RAB3IP: variants seen among roughly 807,000 people sequenced by gnomAD.
The protein encoded by RAB3IP is RAB3A interacting protein.
In RAB3IP, 36 loss-of-function variants were observed where a neutral mutation model predicts 59.1. The observed-to-expected ratio is 0.61, with a 90% CI of 0.47 to 0.80. The LOEUF is 0.80. Ranked by LOEUF, RAB3IP falls within the 30% of genes least tolerant of loss-of-function variation. The probability of loss-of-function intolerance (pLI) is 0.00; values close to 1 mark genes in which losing one functional copy is unlikely to be tolerated. For missense variants in RAB3IP, 511 were observed against 536.0 expected (o/e 0.95, Z 0.46); for synonymous variants, 207 against 191.2 (o/e 1.08, Z -0.68).
chr12:69,783,033 G>A (rs1474764596), intron 3 of RAB3IP, among the ~76,000 whole-genome samples: 5 of 152,008 alleles, frequency 3.3e-5, no homozygotes, highest in Non-Finnish European at 5.9e-5. Context: ...TTGAAATTCG[G>A]TACCAGTCTG....
chr12:69,757,558 T>C (rs1041496974), intron 3 of RAB3IP, among the ~76,000 whole-genome samples: 1 of 152,150 alleles, frequency 6.6e-6, no homozygotes, highest in African/African-American at 2.4e-5. Context: ...TATATAAACC[T>C]GACAACCTAG....
chr12:69,794,941 G>A (rs1228040916), intron 5 of RAB3IP, among the ~76,000 whole-genome samples, 200 bp from the exon 6 acceptor site: 13 of 152,148 alleles, frequency 8.5e-5, no homozygotes. Flanking sequence ...AGGCTCATTT[G>A]ACGTTGTTAA....
At chr12:69,792,300 C>T (rs1404113034) in intron 4 of RAB3IP, among the ~76,000 whole-genome samples, 1 of 151,654 alleles carries the variant, frequency 6.6e-6, no homozygotes, top group African/African-American at 2.4e-5. Flanking sequence ...CACCACCTCC[C>T]CTCCAAAAAA....
chr12:69,770,972 C>T (rs976546562), intron 3 of RAB3IP, among the ~76,000 whole-genome samples: 3 of 152,164 alleles, frequency 2.0e-5, no homozygotes, highest in African/African-American at 7.2e-5. Context: ...TTTAAACTAA[C>T]TTCTCATCTG....
At chr12:69,744,724 G>A (rs1055050024) in intron 1 of RAB3IP, among the ~76,000 whole-genome samples, 4 of 151,436 alleles carry the variant, frequency 2.6e-5, no homozygotes, top group African/African-American at 9.7e-5. Context: ...TGTGGAATTA[G>A]TGGGAATTCA....
rs1226208539 is a variant in RAB3IP at position 69,795,341 on chromosome 12, A to G, written c.885A>G (p.Lys295=). The change falls in exon 6 of 11, where the codon AAA becomes AAG. Residue 295 remains lysine (K), a synonymous_variant. Transcript: ENST00000247833. ...TACAGCCAATTGTAAAAGACTGCAA[A>G]GAGGTAACTCATCAAGGACTGTCCC... ...SVIQPIVKDC[K]EADLSLYNEF... is the part of the protein sequence containing the mutation. 1 of 1,611,112 alleles carries G rather than the reference A, an allele frequency of 6.2e-7. No individual in the cohort carries two copies. The highest frequency in any genetic ancestry group is 8.5e-7 in the Non-Finnish European group (1 of 1,177,532).
At position 69,745,873 on chromosome 12, in the gene RAB3IP, T is replaced by G. The variant is rs1868318947; in HGVS notation, c.-26+6842T>G. Among the ~76,000 whole-genome samples, 2 of 152,234 alleles carry G rather than the reference T, an allele frequency of 1.3e-5. 1 individual carries two copies. The highest frequency in any genetic ancestry group is 4.1e-4 in the South Asian group (2 of 4,836). On this transcript the variant is annotated intron_variant, in intron 1 of 10. Coordinates refer to ENST00000247833, the MANE Select transcript of RAB3IP (RefSeq NM_022456.5). The stretch of plus-strand genomic sequence containing the variant: ...TCTCAGATGTAGTGGAGTTAGGTGT[T>G]AGAGTCAGACACACCAGAGTTTGAA...
intron 8 of RAB3IP, among the ~76,000 whole-genome samples, chr12:69,805,706 AG>A (rs1365583496): frequency 1.3e-5 from 2 of 151,970 alleles, no homozygotes; most frequent in South Asian, 2.1e-4. Flanking sequence ...TTTAGCATGA[AG>A]GGTTGTTGAA....
intron 3 of RAB3IP, among the ~76,000 whole-genome samples, chr12:69,757,145 A>G (rs1340828007): frequency 1.3e-5 from 2 of 152,194 alleles, no homozygotes; most frequent in East Asian, 3.8e-4. Context: ...AGTTTCTGCT[A>G]TTTATTTCCA....
At chr12:69,801,411 G>A (rs772153569) in intron 7 of RAB3IP, among the ~76,000 whole-genome samples, 198 bp from the exon 8 acceptor site, 5 of 152,126 alleles carry the variant, frequency 3.3e-5, no homozygotes, top group Admixed American at 6.5e-5. Context: ...TTTACCATAA[G>A]TGAATTGCCT....
rs200724566 is a variant in RAB3IP, at chr12:69,794,466, T to C, written c.636T>C (p.Asn212=). ...EEAHKMVREA[N]IKQATAEKQL... is the part of the protein sequence containing the mutation. ...CTCATAAAATGGTGAGAGAAGCAAA[T>C]ATCAAGCAGGCAACAGCAGAAAAAC... Residue 212 remains asparagine, a synonymous_variant, in exon 5 of 11, where the codon AAT becomes AAC. Transcript: ENST00000247833. 1.9e-6 allele frequency: 3 copies of C among 1,613,158 alleles called. No individual in the cohort carries two copies. Among genetic ancestry groups the C allele is most frequent in the Admixed American group, 3.3e-5 (2 of 59,920 alleles).
At chr12:69,750,552 T>TG (rs1188493634) in intron 1 of RAB3IP, among the ~76,000 whole-genome samples, 2 of 151,564 alleles carry the variant, frequency 1.3e-5, no homozygotes, top group African/African-American at 4.8e-5. Context: ...CGTTTTTTTT[T>TG]TTTTTTTTTT....
intron 8 of RAB3IP, among the ~76,000 whole-genome samples, chr12:69,804,940 G>C (rs2136259943): frequency 6.6e-6 from 1 of 152,294 alleles, no homozygotes; most frequent in South Asian, 2.1e-4. Flanking sequence ...GATGCCTCCA[G>C]CTTTGTTCTT....
At chr12:69,807,970 C>G (rs1879749226) in intron 8 of RAB3IP, among the ~76,000 whole-genome samples, 1 of 152,172 alleles carries the variant, frequency 6.6e-6, no homozygotes, top group Non-Finnish European at 1.5e-5. Context: ...CTAGTTCTTT[C>G]AATTGTGATG....
chr12:69,804,352 T>G (rs1784941548), intron 8 of RAB3IP, among the ~76,000 whole-genome samples: 1 of 152,240 alleles, frequency 6.6e-6, no homozygotes, highest in Non-Finnish European at 1.5e-5. Context: ...GGTTGTTTTT[T>G]TCTTGTAAAT....
At chr12:69,801,421 T>C (rs534638663) in intron 7 of RAB3IP, among the ~76,000 whole-genome samples, 188 bp from the exon 8 acceptor site, 356 of 152,324 alleles carry the variant, frequency 2.3e-3, no homozygotes, top group African/African-American at 8.4e-3. Context: ...GTGAATTGCC[T>C]TTCATAACAG....
intron 8 of RAB3IP, among the ~76,000 whole-genome samples, chr12:69,805,501 C>G (rs984773207): frequency 2.6e-5 from 4 of 152,128 alleles, no homozygotes; most frequent in African/African-American, 7.2e-5. Flanking sequence ...CTTCTCCTGC[C>G]TGATTGCCCT....
At chr12:69,788,569 T>G (rs1876097894) in intron 4 of RAB3IP, among the ~76,000 whole-genome samples, 2 of 152,088 alleles carry the variant, frequency 1.3e-5, no homozygotes, top group African/African-American at 4.8e-5. Flanking sequence ...TAAAACAAAC[T>G]GACAGATCTG....
At chr12:69,752,209 G>T (rs1288682497) in intron 1 of RAB3IP, among the ~76,000 whole-genome samples, 3 of 151,216 alleles carry the variant, frequency 2.0e-5, no homozygotes, top group Middle Eastern at 3.4e-3. Context: ...TCACTATGTT[G>T]CCCAGGCTAG....
Sources: gnomAD v4.1 joint callset for allele counts (sites outside exome capture counted in the v4.1 genomes callset) on GRCh38, gnomAD v4.1.1 for gene constraint, MANE v1.5 for transcripts, NCBI Gene and HGNC (gene_info 2026-07-23, HGNC 2026-07-21) for gene names.